Variants in PKD2 observed in about 807,000 individuals in gnomAD.
The protein encoded by PKD2 is polycystin 2, transient receptor potential cation channel.
Under a neutral mutation model 105.9 loss-of-function variants are expected in PKD2, and 48 were observed. The ratio of observed to expected loss-of-function variants is 0.45; its 90% CI spans 0.36 to 0.58. PKD2 has a LOEUF of 0.58. Ranked by LOEUF, PKD2 falls within the 20% of genes least tolerant of loss-of-function variation. The pLI, the probability that PKD2 is intolerant of heterozygous loss-of-function variation, is 0.00. For missense variants in PKD2, 1,078 were observed against 1,255.3 expected (o/e 0.86, Z 2.13); for synonymous variants, 464 against 481.1 (o/e 0.96, Z 0.46).
chr4:88,060,802 G>A (rs894813525), intron 9 of PKD2, among the ~76,000 whole-genome samples: 1 of 152,178 alleles, frequency 6.6e-6, no homozygotes. Context: ...AGTAATAGTA[G>A]CTATCAATTA....
intron 10 of PKD2, among the ~76,000 whole-genome samples, chr4:88,063,888 C>T (rs1162571958): frequency 6.6e-6 from 1 of 151,098 alleles, no homozygotes; most frequent in Non-Finnish European, 1.5e-5. Flanking sequence ...GACATGGTGG[C>T]TTACTCCTGT....
chr4:88,039,406 T>C (rs1176698683), intron 4 of PKD2, among the ~76,000 whole-genome samples: 1 of 152,168 alleles, frequency 6.6e-6, no homozygotes, highest in Non-Finnish European at 1.5e-5. Context: ...TTCTCATGCC[T>C]GTAATCCCAG....
chr4:88,033,599 G>C (rs1446856847), intron 2 of PKD2, among the ~76,000 whole-genome samples: 1 of 151,920 alleles, frequency 6.6e-6, no homozygotes, highest in Non-Finnish European at 1.5e-5. Context: ...ATCAATACTG[G>C]ATTATGAGTG....
In PKD2 at chr4:88,019,468, A is replaced by G; in HGVS notation, c.606A>G (p.Gly202=). 6 of 1,563,030 alleles carry G rather than the reference A, an allele frequency of 3.8e-6. No homozygotes were observed. Among genetic ancestry groups the G allele is most frequent in the Non-Finnish European group, 5.3e-6 (6 of 1,133,454 alleles). The change falls in exon 2 of 15, where the codon GGA becomes GGG. Residue 202 remains glycine (G), a synonymous_variant. Coordinates refer to ENST00000237596, the MANE Select transcript of PKD2 (RefSeq NM_000297.4). ...ATTATTATTTTAAAGGTCTCTGGGGAACAAGACTCATGGAGGAAAGCAGCA... is the reference window on the plus strand; with the variant it reads ...ATTATTATTTTAAAGGTCTCTGGGGGACAAGACTCATGGAGGAAAGCAGCA... ...RLVRGLRGLW[G]TRLMEESSTN...
intron 2 of PKD2, among the ~76,000 whole-genome samples, chr4:88,022,821 G>A (rs1368597451): frequency 1.3e-5 from 2 of 152,172 alleles, no homozygotes; most frequent in Admixed American, 6.5e-5. Context: ...TGTGGATCAG[G>A]CCTGTAATCT....
intron 2 of PKD2, among the ~76,000 whole-genome samples, chr4:88,020,800 C>T (rs1726721863): frequency 6.6e-6 from 1 of 151,932 alleles, no homozygotes; most frequent in Non-Finnish European, 1.5e-5. Context: ...AGTGATCCTC[C>T]CACCTCAGTC....
intron 6 of PKD2, among the ~76,000 whole-genome samples, chr4:88,050,834 G>A (rs1720059505): frequency 6.6e-6 from 1 of 152,112 alleles, no homozygotes; most frequent in African/African-American, 2.4e-5. Context: ...GGAAGGAAAG[G>A]AAGATGGTGA....
At position 88,023,991 on chromosome 4, in the gene PKD2, C is replaced by G. The variant is rs72873468; in HGVS notation, c.709+4420C>G. Among the ~76,000 whole-genome samples, 1,390 of 152,236 alleles carry G rather than the reference C, an allele frequency of 9.1e-3. 24 individuals carry two copies. Among genetic ancestry groups the G allele is most frequent in the African/African-American group, 0.032 (1,320 of 41,520 alleles). ...ATGACATGAGAATTAAGTAATCTCA[C>G]TTTCTCTGTTATTTAGGATTTATTC... On this transcript the variant is annotated intron_variant, in intron 2 of 14. Transcript: ENST00000237596.
At chr4:88,054,650 CTT>C (rs1184325520) in intron 7 of PKD2, among the ~76,000 whole-genome samples, 47 of 81,346 alleles carry the variant, frequency 5.8e-4, no homozygotes, top group Non-Finnish European at 5.2e-4. Context: ...CATGACTCTA[CTT>C]TTTTTTTTTT....
intron 8 of PKD2, among the ~76,000 whole-genome samples, chr4:88,057,313 A>AT (rs1720390192): frequency 1.3e-5 from 2 of 151,760 alleles, no homozygotes. Context: ...TTTTAAAGAA[A>AT]TTTTTAACTT....
In PKD2 at chr4:88,008,050, A is replaced by G; in HGVS notation, c.317A>G (p.Glu106Gly). 6.6e-7 allele frequency: 1 copy of G among 1,521,172 alleles called. No homozygotes were observed. The highest frequency in any genetic ancestry group is 2.0e-5 in the Admixed American group (1 of 49,290). The allele number at this position is 1,521,172 out of a possible 1,614,324, so 94.2% of individuals were successfully genotyped here. A position where few individuals can be genotyped will look rare whatever the true frequency, so the allele number is the denominator to read the frequency against. Residue 106 changes from glutamate (E) to glycine (G), a missense_variant, in exon 1 of 15, where the codon GAA (glutamate) becomes GGA (glycine). Glu to Gly is a moderately conservative substitution (Grantham distance 98). Around this residue, in one of 2 missense-constraint regions of PKD2, gnomAD observed 210 missense variants for 187.9 expected, o/e 1.12. Transcript: ENST00000237596. ...GAGGAGGAGGAGGAGGTGGAAGGGG[A>G]AGAAGGCGGAATGGTGGTGGAGATG... ...AEEEEEEVEG[E>G]EGGMVVEMDV...
At chr4:88,010,585 T>G (rs1194512377) in intron 1 of PKD2, among the ~76,000 whole-genome samples, 1 of 152,172 alleles carries the variant, frequency 6.6e-6, no homozygotes, top group Non-Finnish European at 1.5e-5. Flanking sequence ...AACTTGCAAT[T>G]TTTAAAGGTG....
At position 88,022,953 on chromosome 4, in the gene PKD2, C is replaced by T. The variant is rs138004836; in HGVS notation, c.709+3382C>T. Among the ~76,000 whole-genome samples the T allele has an allele frequency of 5.3e-3, 807 of 152,158 alleles. 5 individuals are homozygous for T. Among genetic ancestry groups the T allele is most frequent in the African/African-American group, 0.018 (751 of 41,504 alleles). On this transcript the variant is annotated intron_variant, in intron 2 of 14. Transcript: ENST00000237596. ...AAAATTATCTGGGCATGGTGGCATG[C>T]ACCTGTAGTCCCAGCCACCCAGGAG... is the stretch of plus-strand genomic sequence containing the variant.
intron 3 of PKD2, among the ~76,000 whole-genome samples, chr4:88,037,136 TG>T (rs1727363171): frequency 6.6e-6 from 1 of 151,950 alleles, no homozygotes; most frequent in Non-Finnish European, 1.5e-5. Flanking sequence ...GAGGCTGAGG[TG>T]GGAGAATCAC....
intron 1 of PKD2, among the ~76,000 whole-genome samples, chr4:88,018,832 G>A (rs111338884): frequency 6.6e-6 from 1 of 152,210 alleles, no homozygotes. Flanking sequence ...GTTAATTGCT[G>A]TTTTAAAAAT....
chr4:88,061,367 T>C (rs1720564900), intron 9 of PKD2, among the ~76,000 whole-genome samples: 1 of 152,198 alleles, frequency 6.6e-6, no homozygotes, highest in Admixed American at 6.5e-5. Context: ...TCACAAAGTA[T>C]ATCATAAAAT....
intron 13 of PKD2, among the ~76,000 whole-genome samples, chr4:88,070,601 T>TCTAGAGAG (rs1553928344): frequency 1.1e-5 from 1 of 91,482 alleles, no homozygotes; most frequent in Non-Finnish European, 2.1e-5. Flanking sequence ...TATATATATA[T>TCTAGAGAG]AGAGAGAGAG....
chr4:88,071,454 G>A (rs570765467), intron 13 of PKD2, among the ~76,000 whole-genome samples: 1 of 149,792 alleles, frequency 6.7e-6, no homozygotes. Context: ...TGTCTGCTAA[G>A]TCTGACATCT....
chr4:88,029,006 C>T (rs1448226717), intron 2 of PKD2, among the ~76,000 whole-genome samples: 1 of 152,168 alleles, frequency 6.6e-6, no homozygotes, highest in Non-Finnish European at 1.5e-5. Flanking sequence ...GAAATGTTGA[C>T]CAAACCTGGA....
Sources: allele counts gnomAD v4.1 joint callset (sites outside exome capture counted in the v4.1 genomes callset), GRCh38; gene constraint gnomAD v4.1.1; regional missense constraint gnomAD v4.1.1; transcripts MANE v1.5; gene names NCBI Gene and HGNC (gene_info 2026-07-23, HGNC 2026-07-21).